STK38L: variants seen among roughly 807,000 people sequenced by gnomAD.
STK38L encodes serine/threonine kinase 38 like.
A neutral mutation model predicts 59.7 loss-of-function variants in STK38L; 28 were observed. The ratio of observed to expected loss-of-function variants is 0.47; its 90% CI spans 0.35 to 0.64. The LOEUF is 0.64. Ranked by LOEUF, STK38L falls within the 30% of genes least tolerant of loss-of-function variation. The probability of loss-of-function intolerance (pLI) is 0.01; values close to 1 mark genes in which losing one functional copy is unlikely to be tolerated. For missense variants in STK38L, 314 were observed against 555.8 expected (o/e 0.56, Z 4.37); for synonymous variants, 162 against 176.8 (o/e 0.92, Z 0.66).
intron 1 of STK38L, among the ~76,000 whole-genome samples, chr12:27,247,586 A>G (rs753714022): frequency 6.6e-6 from 1 of 152,210 alleles, no homozygotes. Context: ...CTTATTACCT[A>G]TAAGTACTCA....
intron 1 of STK38L, among the ~76,000 whole-genome samples, chr12:27,287,435 A>G (rs1419399144): frequency 6.6e-6 from 1 of 152,046 alleles, no homozygotes; most frequent in Non-Finnish European, 1.5e-5. Context: ...GGACATTGTT[A>G]TTTTACAGTG....
At chr12:27,295,787 C>T (rs1244756791) in intron 1 of STK38L, among the ~76,000 whole-genome samples, 1 of 152,190 alleles carries the variant, frequency 6.6e-6, no homozygotes, top group East Asian at 1.9e-4. Context: ...GCCTCTTCTG[C>T]AGAGCATGTT....
At chr12:27,271,763 G>A (rs1020527426) in intron 1 of STK38L, among the ~76,000 whole-genome samples, 4 of 152,224 alleles carry the variant, frequency 2.6e-5, no homozygotes, top group Non-Finnish European at 5.9e-5. Flanking sequence ...GCAGTGGCAC[G>A]ATCTCGTCTC....
intron 1 of STK38L, among the ~76,000 whole-genome samples, chr12:27,265,981 T>A (rs1591860812): frequency 6.6e-6 from 1 of 152,278 alleles, no homozygotes; most frequent in East Asian, 1.9e-4. Flanking sequence ...AAGAGAAAAG[T>A]CTGCTACCCT....
At chr12:27,285,092 C>T (rs375052619) in intron 1 of STK38L, among the ~76,000 whole-genome samples, 8 of 152,126 alleles carry the variant, frequency 5.3e-5, no homozygotes, top group East Asian at 1.9e-4. Flanking sequence ...TTGTGAGCTT[C>T]GTGATACCAT....
rs1009793456 is a variant in STK38L at position 27,325,389 on chromosome 12, C to G, written c.*2934C>G. The G allele has an allele frequency of 1.3e-5, 2 of 152,084 alleles. No homozygotes were observed. Among genetic ancestry groups the G allele is most frequent in the African/African-American group, 2.4e-5 (1 of 41,410 alleles). 9.4% of individuals were successfully genotyped at this position (152,084 alleles called of 1,614,324 possible). A position where few individuals can be genotyped will look rare whatever the true frequency, so the allele number is the denominator to read the frequency against. ...CTCTAAATTTAAAATATTTTAAGTACATTTATTTTTGGTGTTTTATTGTAT... is the reference window on the plus strand; with the variant it reads ...CTCTAAATTTAAAATATTTTAAGTAGATTTATTTTTGGTGTTTTATTGTAT... On this transcript the variant is annotated 3_prime_UTR_variant, in exon 14 of 14. Coordinates refer to ENST00000389032, the MANE Select transcript of STK38L (RefSeq NM_015000.4).
intron 11 of STK38L, 123 bp downstream of exon 11, chr12:27,318,142 A>G (rs1944632558): frequency 2.5e-6 from 3 of 1,201,848 alleles, no homozygotes; most frequent in Non-Finnish European, 2.3e-6. Context: ...AAAGAGATCA[A>G]TAAAGGTGTT....
At position 27,253,866 on chromosome 12, in the gene STK38L, A is replaced by G. The variant is rs916295647; in HGVS notation, c.-12+9534A>G. ...AGCAATGAACTTTTATTTGCTGTCTATTTATGTTTATCCAGCTTTAGCACT... is the reference window on the plus strand; with the variant it reads ...AGCAATGAACTTTTATTTGCTGTCTGTTTATGTTTATCCAGCTTTAGCACT... On this transcript the variant is annotated intron_variant, in intron 1 of 13. Transcript: ENST00000389032. Among the ~76,000 whole-genome samples, 5 of 152,158 alleles carry G rather than the reference A, an allele frequency of 3.3e-5. No homozygotes were observed. The South Asian group carries it at 6.2e-4, about 19-fold the overall frequency.
intron 1 of STK38L, among the ~76,000 whole-genome samples, chr12:27,291,793 A>C (rs893680130): frequency 6.6e-6 from 1 of 152,232 alleles, no homozygotes; most frequent in African/African-American, 2.4e-5. Context: ...ACAAGGCAAT[A>C]TAGTAGCATT....
intron 1 of STK38L, among the ~76,000 whole-genome samples, chr12:27,262,754 T>G (rs1406515079): frequency 6.7e-6 from 1 of 149,190 alleles, no homozygotes; most frequent in African/African-American, 2.5e-5. Context: ...GTATTTAAAG[T>G]ACACTAAGAA....
intron 12 of STK38L, among the ~76,000 whole-genome samples, chr12:27,320,851 G>C (rs1944712242): frequency 6.7e-6 from 1 of 149,148 alleles, no homozygotes; most frequent in Admixed American, 6.8e-5. Flanking sequence ...GCGTGATCTC[G>C]GCTCACTGCA....
chr12:27,250,483 C>T (rs1942948023), intron 1 of STK38L, among the ~76,000 whole-genome samples: 1 of 152,174 alleles, frequency 6.6e-6, no homozygotes. Flanking sequence ...CTGAATGTCA[C>T]CCATTAGGGC....
At chr12:27,312,783 T>C in intron 6 of STK38L, 111 bp downstream of exon 6, 1 of 1,295,438 alleles carries the variant, frequency 7.7e-7, no homozygotes, top group Non-Finnish European at 1.1e-6. Flanking sequence ...AGGCTTTACA[T>C]AGTCACAGTT....
intron 1 of STK38L, among the ~76,000 whole-genome samples, chr12:27,265,339 C>G (rs1943281394): frequency 6.6e-6 from 1 of 152,046 alleles, no homozygotes; most frequent in Non-Finnish European, 1.5e-5. Context: ...GATAATTTTC[C>G]CATGTCATGA....
intron 1 of STK38L, among the ~76,000 whole-genome samples, chr12:27,287,550 G>C (rs1943801364): frequency 6.6e-6 from 1 of 152,082 alleles, no homozygotes; most frequent in Non-Finnish European, 1.5e-5. Flanking sequence ...TCATTGTACT[G>C]ATTTCATTTT....
chr12:27,263,531 A>G (rs1448544407), intron 1 of STK38L, among the ~76,000 whole-genome samples: 1 of 152,300 alleles, frequency 6.6e-6, no homozygotes, highest in Admixed American at 6.5e-5. Context: ...TATCCCTGGT[A>G]TAGGGCACCT....
At chr12:27,279,223 G>T (rs1943600700) in intron 1 of STK38L, among the ~76,000 whole-genome samples, 1 of 152,168 alleles carries the variant, frequency 6.6e-6, no homozygotes, top group South Asian at 2.1e-4. Flanking sequence ...ATTAGGATTG[G>T]TTTATTGGGA....
intron 12 of STK38L, among the ~76,000 whole-genome samples, chr12:27,320,675 C>A (rs1365941372): frequency 6.6e-6 from 1 of 152,000 alleles, no homozygotes; most frequent in Non-Finnish European, 1.5e-5. Context: ...ATCTTATCCT[C>A]ATATAAGCTC....
At chr12:27,246,422 T>C (rs1295943646) in intron 1 of STK38L, among the ~76,000 whole-genome samples, 3 of 152,208 alleles carry the variant, frequency 2.0e-5, no homozygotes, top group African/African-American at 2.4e-5. Context: ...AATGCTTTTA[T>C]TTTATGTAAA....
Sources: gnomAD v4.1 joint callset for allele counts (sites outside exome capture counted in the v4.1 genomes callset) on GRCh38, gnomAD v4.1.1 for gene constraint, MANE v1.5 for transcripts, NCBI Gene and HGNC (gene_info 2026-07-23, HGNC 2026-07-21) for gene names.